Variants in STAT3 observed in about 807,000 individuals in gnomAD.
The protein encoded by STAT3 is DNA-binding protein APRF.
In STAT3, 7 loss-of-function variants were observed where a neutral mutation model predicts 114.3. The ratio of observed to expected loss-of-function variants is 0.06; its 90% confidence interval spans 0.03 to 0.11. STAT3 has a LOEUF of 0.11. STAT3 is among the 10% of genes least tolerant of loss of function. STAT3 has a pLI of 1.00. For missense variants in STAT3, 364 were observed against 960.9 expected (o/e 0.38, Z 8.21); for synonymous variants, 331 against 354.5 (o/e 0.93, Z 0.74).
intron 21 of STAT3, among the ~76,000 whole-genome samples, chr17:42,319,148 G>T (rs2081362769): frequency 6.6e-6 from 1 of 152,224 alleles, no homozygotes; most frequent in Non-Finnish European, 1.5e-5. Flanking sequence ...TGAGACAGGA[G>T]AATCACTTGA....
chr17:42,317,316 T>C, intron 21 of STAT3, 92 bp from the exon 22 acceptor site: 2 of 1,429,294 alleles, frequency 1.4e-6, no homozygotes, highest in Non-Finnish European at 9.7e-7. Flanking sequence ...CAGGACTGAT[T>C]TGAAACTCAC....
intron 1 of STAT3, among the ~76,000 whole-genome samples, chr17:42,356,530 T>C (rs1023842685): frequency 3.2e-5 from 4 of 124,256 alleles, no homozygotes; most frequent in African/African-American, 1.4e-4. Context: ...TGTGTATATA[T>C]ATATATATAT....
intron 4 of STAT3, among the ~76,000 whole-genome samples, chr17:42,341,730 C>A (rs1175784728): frequency 1.3e-5 from 2 of 152,104 alleles, no homozygotes; most frequent in Non-Finnish European, 2.9e-5. Flanking sequence ...CAAACTTTTT[C>A]TCTAAGGGAC....
chr17:42,316,930 G>T (rs1255721606), intron 22 of STAT3, 29 bp from the exon 23 acceptor site: 3 of 1,594,970 alleles, frequency 1.9e-6, no homozygotes, highest in Non-Finnish European at 2.6e-6. Context: ...AGCAGGAGGG[G>T]AAACGGGGGG....
Position 42,340,004 on chromosome 17 carries a change from A to C in STAT3, c.373-595T>G, listed in dbSNP as rs912776547. Among the ~76,000 whole-genome samples the C allele has an allele frequency of 3.1e-4, 47 of 152,172 alleles. 1 individual carries two copies. The highest frequency in any genetic ancestry group is 6.9e-4 in the Non-Finnish European group (47 of 68,030). Reference sequence around the variant, plus strand: ...ACATAGTGAGGCCCCATCTCGAATGAATAAATGAATGAATGAATTAAAGAA... The same window carrying C: ...ACATAGTGAGGCCCCATCTCGAATGCATAAATGAATGAATGAATTAAAGAA... On this transcript the variant is annotated intron_variant, in intron 4 of 23. Transcript: ENST00000264657.
In STAT3 at chr17:42,344,552, T is replaced by C. The variant is rs533109445; in HGVS notation, c.372+1007A>G. 2.7e-5 allele frequency among the ~76,000 whole-genome samples: 4 copies of C among 149,744 alleles called. No individual in the cohort carries two copies. In the East Asian group the frequency reaches 5.9e-4, roughly 22 times the overall value. ...TAACAAGGTGAAACCCCATCTCTACTAAAAAAAATACAAAAAATTAGCCAG... is the reference window on the plus strand; with the variant it reads ...TAACAAGGTGAAACCCCATCTCTACCAAAAAAAATACAAAAAATTAGCCAG... On this transcript the variant is annotated intron_variant, in intron 4 of 23. Coordinates refer to ENST00000264657, the MANE Select transcript of STAT3 (RefSeq NM_139276.3).
chr17:42,354,003 G>T (rs1186705958), intron 1 of STAT3, among the ~76,000 whole-genome samples: 1 of 152,066 alleles, frequency 6.6e-6, no homozygotes, highest in South Asian at 2.1e-4. Context: ...TAACACTGGG[G>T]TCATGCATGA....
In STAT3 at chr17:42,338,521, T is replaced by G. The variant is rs35162488; in HGVS notation, c.550+210A>C. Among the ~76,000 whole-genome samples the G allele has an allele frequency of 0.2, 2,173 of 10,804 alleles. 191 individuals carry two copies. Among genetic ancestry groups the G allele is most frequent in the Admixed American group, 0.31 (314 of 1,016 alleles). The allele number at this position is 10,804 out of a possible 152,430, so 7.1% of individuals were successfully genotyped here. ...CTCCTTGACCTGAGGGAATACTCCT[T>G]GACCTGAGGGAATACTCCTGGACCT... On this transcript the variant is annotated intron_variant, in intron 6 of 23. Transcript: ENST00000264657.
intron 1 of STAT3, among the ~76,000 whole-genome samples, chr17:42,373,798 T>C (rs2084298270): frequency 6.9e-6 from 1 of 145,224 alleles, no homozygotes. Context: ...GGCAGGAGAA[T>C]GGCATGAACC....
At chr17:42,323,399 G>A (rs768839380) in intron 18 of STAT3, 45 bp from the exon 19 acceptor site, 4 of 1,604,180 alleles carry the variant, frequency 2.5e-6, no homozygotes, top group Non-Finnish European at 2.6e-6. Context: ...TGCCATCCCA[G>A]CCCTTCCCTT....
intron 4 of STAT3, among the ~76,000 whole-genome samples, chr17:42,343,880 T>C (rs2082567499): frequency 6.6e-6 from 1 of 152,204 alleles, no homozygotes; most frequent in Admixed American, 6.5e-5. Flanking sequence ...CAATTGTTAT[T>C]GTTAGTTTTG....
intron 1 of STAT3, among the ~76,000 whole-genome samples, chr17:42,382,479 G>A (rs79817091): frequency 0.025 from 3,731 of 152,092 alleles, 67 homozygotes; most frequent in Non-Finnish European, 0.041. Context: ...CTGCCCTGTC[G>A]TCTCCCCTGT....
chr17:42,380,457 T>A (rs1004733831), intron 1 of STAT3, among the ~76,000 whole-genome samples: 1 of 151,556 alleles, frequency 6.6e-6, no homozygotes. Flanking sequence ...CGATCTCGGT[T>A]CACCGCAACC....
At position 42,315,719 on chromosome 17, in the gene STAT3, T is replaced by C. The variant is rs368050581; in HGVS notation, c.*26A>G. On this transcript the variant is annotated 3_prime_UTR_variant, in exon 24 of 24. Transcript: ENST00000264657. The stretch of plus-strand genomic sequence containing the variant: ...TGCAGGTAGGCGCCTCAGTCGTATC[T>C]TTCTGCAGCTTCCGTTCTCAGCTCC... The C allele has an allele frequency of 1.2e-6, 2 of 1,612,096 alleles. No homozygotes were observed. Among genetic ancestry groups the C allele is most frequent in the Non-Finnish European group, 1.7e-6 (2 of 1,178,176 alleles).
At chr17:42,366,582 T>C (rs1567748415) in intron 1 of STAT3, among the ~76,000 whole-genome samples, 1 of 142,700 alleles carries the variant, frequency 7.0e-6, no homozygotes, top group Non-Finnish European at 1.5e-5. Context: ...GAGGTGGGGG[T>C]ATCACTTGAG....
chr17:42,380,771 A>T (rs2084746952), intron 1 of STAT3, among the ~76,000 whole-genome samples: 1 of 152,164 alleles, frequency 6.6e-6, no homozygotes, highest in South Asian at 2.1e-4. Flanking sequence ...AAATTAGCTG[A>T]GGGTGGTAGC....
At chr17:42,350,810 AT>A (rs1449321215) in intron 1 of STAT3, among the ~76,000 whole-genome samples, 1 of 152,204 alleles carries the variant, frequency 6.6e-6, no homozygotes, top group Non-Finnish European at 1.5e-5. Context: ...CCACACATGC[AT>A]TTTAAATTTT....
chr17:42,388,441 A>T lies in STAT3; in HGVS notation c.-186T>A. 2 of 1,231,768 alleles carry T rather than the reference A, an allele frequency of 1.6e-6. No homozygotes were observed. Among genetic ancestry groups the T allele is most frequent in the African/African-American group, 1.5e-5 (1 of 64,520 alleles). The allele number at this position is 1,231,768 out of a possible 1,614,324, so 76.3% of individuals were successfully genotyped here. A position where few individuals can be genotyped will look rare whatever the true frequency, so the allele number is the denominator to read the frequency against. On this transcript the variant is annotated 5_prime_UTR_variant, in exon 1 of 24. Transcript: ENST00000264657. ...GTTGGGGCTTGTTCCCTCGGCTGCG[A>T]CGTCGGAACCCCCGGCTCCCCCTCC...
chr17:42,321,071 C>A (rs1252659652), intron 21 of STAT3, among the ~76,000 whole-genome samples: 1 of 151,338 alleles, frequency 6.6e-6, no homozygotes, highest in Admixed American at 6.6e-5. Flanking sequence ...CAGGTGTGAA[C>A]CCCCATGCCC....
Sources: gnomAD v4.1 joint callset for allele counts (sites outside exome capture counted in the v4.1 genomes callset) on GRCh38, gnomAD v4.1.1 for gene constraint, MANE v1.5 for transcripts, NCBI Gene and HGNC (gene_info 2026-07-23, HGNC 2026-07-21) for gene names.